Variants in NR3C2 observed in about 807,000 individuals in gnomAD.
NR3C2 encodes mineralocorticoid receptor.
NR3C2 carries 15 observed loss-of-function variants against 86.4 expected under a neutral mutation model. The ratio of observed to expected loss-of-function variants is 0.17; its 90% CI spans 0.12 to 0.27. NR3C2 has a LOEUF of 0.27. NR3C2 is among the 10% of genes least tolerant of loss of function. The pLI, the probability that NR3C2 is intolerant of heterozygous loss-of-function variation, is 1.00. For synonymous variants in NR3C2, 458 were observed against 450.5 expected, an observed-to-expected ratio of 1.02 and a Z score of -0.21; for missense variants, 960 against 1,195.6, an observed-to-expected ratio of 0.80 and a Z score of 2.91.
chr4:148,373,726 TC>T (rs1746535023), intron 2 of NR3C2, among the ~76,000 whole-genome samples: 1 of 152,062 alleles, frequency 6.6e-6, no homozygotes, highest in African/African-American at 2.4e-5. Flanking sequence ...TCCACCTGCC[TC>T]GGCCTCCCAC....
At chr4:148,170,408 T>C (rs1735068813) in intron 4 of NR3C2, among the ~76,000 whole-genome samples, 1 of 151,302 alleles carries the variant, frequency 6.6e-6, no homozygotes, top group African/African-American at 2.4e-5. Flanking sequence ...ATAACAGAAG[T>C]CATAAACTCA....
rs569384213 is a variant in NR3C2, at chr4:148,319,418, G to T, written c.1758-59301C>A. ...GTTTTTTCCAATTCTGTGAAGAAAG[G>T]CATTGGTAGCTTGATGGGGATGGCA... On this transcript the variant is annotated intron_variant, in intron 2 of 8. Transcript: ENST00000358102. 1.2e-3 allele frequency among the ~76,000 whole-genome samples: 182 copies of T among 152,070 alleles called. 1 individual carries two copies. The highest frequency in any genetic ancestry group is 3.4e-3 in the African/African-American group (141 of 41,490).
At chr4:148,214,364 T>G (rs767612825) in intron 3 of NR3C2, among the ~76,000 whole-genome samples, 14 of 151,376 alleles carry the variant, frequency 9.2e-5, no homozygotes, top group Non-Finnish European at 1.9e-4. Flanking sequence ...TTTGAAGAGT[T>G]TTTTTTTTTA....
intron 4 of NR3C2, among the ~76,000 whole-genome samples, chr4:148,188,563 G>T (rs1278311596): frequency 6.6e-6 from 1 of 152,034 alleles, no homozygotes; most frequent in Non-Finnish European, 1.5e-5. Flanking sequence ...AAGAGTTATT[G>T]ATTTCTGTAC....
At chr4:148,442,720 C>T (rs902791881), upstream of NR3C2, 1 of 985,392 alleles carries the variant, frequency 1.0e-6, no homozygotes, top group South Asian at 4.7e-5. Context: ...TCGGCAGCTT[C>T]CTTAAAGCCG....
chr4:148,238,765 C>T (rs1738869426), intron 3 of NR3C2, among the ~76,000 whole-genome samples: 2 of 152,048 alleles, frequency 1.3e-5, no homozygotes, highest in Non-Finnish European at 2.9e-5. Flanking sequence ...AAGATAGAGT[C>T]CCTCTCTGCT....
chr4:148,427,135 A>G (rs578005886), intron 2 of NR3C2, among the ~76,000 whole-genome samples: 2 of 151,960 alleles, frequency 1.3e-5, no homozygotes, highest in South Asian at 4.1e-4. Context: ...TTGTATTTTT[A>G]GTAGAGATGG....
At chr4:148,278,546 T>C (rs1741074335) in intron 2 of NR3C2, among the ~76,000 whole-genome samples, 1 of 152,060 alleles carries the variant, frequency 6.6e-6, no homozygotes, top group African/African-American at 2.4e-5. Context: ...TGCATGACCA[T>C]AAACATAAAT....
intron 2 of NR3C2, among the ~76,000 whole-genome samples, chr4:148,433,152 T>A (rs906126321): frequency 6.6e-6 from 1 of 152,142 alleles, no homozygotes; most frequent in Non-Finnish European, 1.5e-5. Context: ...CATTGGACCA[T>A]CAGGAGGGCT....
At chr4:148,370,021 G>T (rs1201331187) in intron 2 of NR3C2, among the ~76,000 whole-genome samples, 1 of 152,192 alleles carries the variant, frequency 6.6e-6, no homozygotes, top group Admixed American at 6.5e-5. Context: ...AGATGATGCA[G>T]CCAGCCCATC....
intron 2 of NR3C2, among the ~76,000 whole-genome samples, chr4:148,336,127 C>T (rs1744475859): frequency 6.6e-6 from 1 of 152,120 alleles, no homozygotes; most frequent in South Asian, 2.1e-4. Context: ...ACCTGATTTC[C>T]CGACATCTTC....
At chr4:148,209,465 G>A (rs1002441095) in intron 3 of NR3C2, among the ~76,000 whole-genome samples, 4 of 152,054 alleles carry the variant, frequency 2.6e-5, no homozygotes, top group East Asian at 1.9e-4. Context: ...TGTTTTTTGC[G>A]GGGTGGGTGG....
chr4:148,387,980 A>G (rs1747353352), intron 2 of NR3C2, among the ~76,000 whole-genome samples: 1 of 152,194 alleles, frequency 6.6e-6, no homozygotes, highest in Non-Finnish European at 1.5e-5. Context: ...ATCACTGAAA[A>G]TCTTGCCACT....
intron 2 of NR3C2, among the ~76,000 whole-genome samples, chr4:148,430,227 T>C (rs1402708139): frequency 6.6e-6 from 1 of 152,134 alleles, no homozygotes; most frequent in Non-Finnish European, 1.5e-5. Flanking sequence ...GTGGAATAAT[T>C]TGAGGTTATC....
chr4:148,129,990 C>T (rs1732942544), intron 6 of NR3C2, among the ~76,000 whole-genome samples: 1 of 152,178 alleles, frequency 6.6e-6, no homozygotes, highest in African/African-American at 2.4e-5. Context: ...TTATAATATA[C>T]AAAATGTCTG....
intron 8 of NR3C2, among the ~76,000 whole-genome samples, chr4:148,111,341 G>T (rs1732038438): frequency 6.6e-6 from 1 of 152,222 alleles, no homozygotes; most frequent in African/African-American, 2.4e-5. Flanking sequence ...GTTGGCAAGG[G>T]TATGGAGCAA....
intron 2 of NR3C2, among the ~76,000 whole-genome samples, chr4:148,392,608 A>G (rs1374126847): frequency 6.6e-6 from 1 of 152,186 alleles, no homozygotes; most frequent in Non-Finnish European, 1.5e-5. Flanking sequence ...ATGAACATGT[A>G]CTGAACAGAG....
At chr4:148,274,155 C>A (rs1190284323) in intron 2 of NR3C2, among the ~76,000 whole-genome samples, 1 of 150,282 alleles carries the variant, frequency 6.7e-6, no homozygotes, top group Non-Finnish European at 1.5e-5. Context: ...GTAAAAATAA[C>A]AAGTAGCCAG....
At chr4:148,099,863 G>A (rs1321378681) in intron 8 of NR3C2, among the ~76,000 whole-genome samples, 1 of 152,194 alleles carries the variant, frequency 6.6e-6, no homozygotes, top group Non-Finnish European at 1.5e-5. Flanking sequence ...ATAGCCTGTA[G>A]GACCTTCAGT....
Sources: allele counts gnomAD v4.1 joint callset (sites outside exome capture counted in the v4.1 genomes callset), GRCh38; gene constraint gnomAD v4.1.1; transcripts MANE v1.5; gene names NCBI Gene and HGNC (gene_info 2026-07-23, HGNC 2026-07-21).